Variants in ME3 observed in about 807,000 individuals in gnomAD.
The protein encoded by ME3 is NADP-dependent malic enzyme, mitochondrial.
ME3 carries 48 observed loss-of-function variants against 68.9 expected under a neutral mutation model. That is an observed-to-expected ratio of 0.70 (90% confidence interval 0.55 to 0.89). The LOEUF (loss-of-function observed/expected upper bound fraction) is 0.89, where lower values mean the gene tolerates loss of function less well. ME3 is among the 40% of genes least tolerant of loss of function. The pLI is 0.00. For synonymous variants in ME3, 320 were observed against 318.8 expected (o/e 1.00, Z -0.04); for missense variants, 675 against 797.4 (o/e 0.85, Z 1.85).
At chr11:86,662,614 A>AT (rs1946353897) in intron 2 of ME3, among the ~76,000 whole-genome samples, 2 of 152,154 alleles carry the variant, frequency 1.3e-5, no homozygotes, top group African/African-American at 4.8e-5. Flanking sequence ...ATAAAAATGA[A>AT]AATAAAATTT....
At position 86,644,381 on chromosome 11, in the gene ME3, C is replaced by A. The variant is rs79687257; in HGVS notation, c.183+27381G>T. On this transcript the variant is annotated intron_variant, in intron 2 of 14. Coordinates refer to ENST00000543262, the Ensembl canonical transcript of ME3. ...TCAAAAGCACTTCCTTGCTTAGAAC[C>A]ATTTAATAGTGTCCTGCTTTACAGA... Among the ~76,000 whole-genome samples, 66 of 152,270 alleles carry A rather than the reference C, an allele frequency of 4.3e-4. No individual in the cohort carries two copies. In the East Asian group the frequency reaches 0.012, roughly 29 times the overall value.
chr11:86,642,371 A>G (rs72957437), intron 2 of ME3, among the ~76,000 whole-genome samples: 10,980 of 152,296 alleles, frequency 0.072, 467 homozygotes, highest in East Asian at 0.14. Context: ...AGGCTGATCA[A>G]TGTCCACAAA....
chr11:86,649,244 G>T (rs1022602042), intron 2 of ME3, among the ~76,000 whole-genome samples: 7 of 152,080 alleles, frequency 4.6e-5, no homozygotes, highest in Admixed American at 1.3e-4. Flanking sequence ...ATGCAGAAAA[G>T]TCCTTTGAAA....
At chr11:86,486,480 A>C (rs1209386788) in intron 7 of ME3, among the ~76,000 whole-genome samples, 1 of 152,134 alleles carries the variant, frequency 6.6e-6, no homozygotes, top group Non-Finnish European at 1.5e-5. Flanking sequence ...CTTTGTGCAG[A>C]GTTTGTGGGC....
rs3045014 is a variant in ME3 at position 86,509,398 on chromosome 11, TCACACACACACA to T, written c.468-543_468-532del. On this transcript the variant is annotated intron_variant, in intron 4 of 14. Coordinates refer to ENST00000543262, the Ensembl canonical transcript of ME3. Reference sequence around the variant, plus strand: ...GTGACAGTCTTGAGCTACTCCATCATCACACACACACACACACACACACACACACACGCATGT... The same window carrying T: ...GTGACAGTCTTGAGCTACTCCATCATCACACACACACACACACACGCATGT... Among the ~76,000 whole-genome samples the T allele has an allele frequency of 2.7e-3, 392 of 144,660 alleles. 1 individual carries two copies. Among genetic ancestry groups the T allele is most frequent in the African/African-American group, 8.6e-3 (351 of 40,858 alleles). The allele number at this position is 144,660 out of a possible 152,430, so 94.9% of individuals were successfully genotyped here.
In ME3 at chr11:86,577,812, C is replaced by T. The variant is rs1310889416; in HGVS notation, c.184-17989G>A. On this transcript the variant is annotated intron_variant, in intron 2 of 14. Transcript: ENST00000543262. ...TTCTAAAATGCTCTCATATGGCTTA[C>T]GTCATTTGATCCTAGACAGGCTGGT... is the stretch of plus-strand genomic sequence containing the variant. 5.3e-5 allele frequency among the ~76,000 whole-genome samples: 8 copies of T among 152,250 alleles called. No individual in the cohort carries two copies. In the South Asian group the frequency reaches 1.0e-3, roughly 20 times the overall value.
chr11:86,487,936 G>A (rs1167414248), intron 6 of ME3, among the ~76,000 whole-genome samples: 5 of 152,136 alleles, frequency 3.3e-5, no homozygotes, highest in African/African-American at 7.2e-5. Flanking sequence ...TCAGCACTTC[G>A]GAAGGCCAAG....
intron 4 of ME3, among the ~76,000 whole-genome samples, chr11:86,537,394 A>G (rs1955751758): frequency 6.6e-6 from 1 of 152,072 alleles, no homozygotes; most frequent in Non-Finnish European, 1.5e-5. Flanking sequence ...AGTGGAGGGA[A>G]TAACTATCAC....
intron 2 of ME3, among the ~76,000 whole-genome samples, chr11:86,576,716 C>G (rs1958138827): frequency 6.6e-6 from 1 of 151,518 alleles, no homozygotes. Context: ...GAAGTCCTCC[C>G]TCAGCTACAT....
In ME3 at chr11:86,661,763, T is replaced by C. The variant is rs1173382348; in HGVS notation, c.183+9999A>G. Among the ~76,000 whole-genome samples, 4 of 152,174 alleles carry C rather than the reference T, an allele frequency of 2.6e-5. No individual in the cohort carries two copies. The East Asian group carries it at 7.7e-4, about 29-fold the overall frequency. On this transcript the variant is annotated intron_variant, in intron 2 of 14. Coordinates refer to ENST00000543262, the Ensembl canonical transcript of ME3. ...CCTCTCGTTACATCTAACCACTGAA[T>C]TAGAATTGCCCCTTACTAACTGGTC... is the stretch of plus-strand genomic sequence containing the variant.
At chr11:86,531,453 G>C (rs1004482311) in intron 4 of ME3, among the ~76,000 whole-genome samples, 5 of 152,176 alleles carry the variant, frequency 3.3e-5, no homozygotes, top group African/African-American at 9.7e-5. Context: ...ATTCCTCAGG[G>C]ATCTAGAACT....
At chr11:86,566,928 A>G (rs964633219) in intron 2 of ME3, among the ~76,000 whole-genome samples, 1 of 152,058 alleles carries the variant, frequency 6.6e-6, no homozygotes, top group African/African-American at 2.4e-5. Context: ...GGATAAAAAA[A>G]GAAGAGTGGC....
chr11:86,602,210 G>A lies in ME3; in HGVS notation c.184-42387C>T, dbSNP rs998196440. ...GATTGTATATCTAGAAAACCCCATT[G>A]TCTCAGCCCAAAATCTCCTTAAGCT... On this transcript the variant is annotated intron_variant, in intron 2 of 14. Transcript: ENST00000543262. Among the ~76,000 whole-genome samples, 66 of 149,066 alleles carry A rather than the reference G, an allele frequency of 4.4e-4. 1 individual carries two copies. Among genetic ancestry groups the A allele is most frequent in the East Asian group, 2.3e-3 (11 of 4,782 alleles).
intron 7 of ME3, among the ~76,000 whole-genome samples, chr11:86,471,574 T>C (rs1208538634): frequency 6.6e-6 from 1 of 152,256 alleles, no homozygotes; most frequent in Middle Eastern, 3.2e-3. Flanking sequence ...CAATTACTTA[T>C]TGACATTTCT....
chr11:86,524,544 A>G (rs1954584075), intron 4 of ME3, among the ~76,000 whole-genome samples: 2 of 152,206 alleles, frequency 1.3e-5, no homozygotes, highest in Admixed American at 1.3e-4. Flanking sequence ...GCTCGAATCC[A>G]TTTTATGCTA....
intron 4 of ME3, among the ~76,000 whole-genome samples, chr11:86,538,076 G>A (rs1274538512): frequency 6.6e-6 from 1 of 152,218 alleles, no homozygotes. Context: ...CCCTGAGACT[G>A]ATGCACATAG....
chr11:86,585,850 G>A (rs981952032), intron 2 of ME3, among the ~76,000 whole-genome samples: 3 of 152,074 alleles, frequency 2.0e-5, no homozygotes, highest in African/African-American at 4.8e-5. Context: ...ATGGGACAGC[G>A]GAAAGAAAGA....
chr11:86,475,874 T>TATATATATATATATATAGAG, intron 7 of ME3, among the ~76,000 whole-genome samples: 4 of 91,474 alleles, frequency 4.4e-5, no homozygotes, highest in Non-Finnish European at 6.2e-5. Flanking sequence ...TATATATATA[T>TATATATATATATATATAGAG]AGAGAGAGAG....
At chr11:86,464,175 C>T in intron 8 of ME3, 1 of 400,644 alleles carries the variant, frequency 2.5e-6, no homozygotes, top group South Asian at 1.8e-5. Flanking sequence ...AGGGCCAACA[C>T]CTGTCTCTTG....
Sources: allele counts gnomAD v4.1 joint callset (sites outside exome capture counted in the v4.1 genomes callset), GRCh38; gene constraint gnomAD v4.1.1; transcripts MANE v1.5; gene names NCBI Gene and HGNC (gene_info 2026-07-23, HGNC 2026-07-21).